FER1L6: variants seen among roughly 807,000 people sequenced by gnomAD.
The protein encoded by FER1L6 is fer-1 like family member 6, also known as fer-1-like protein 6.
In FER1L6, 177 loss-of-function variants were observed where a neutral mutation model predicts 219.2. That is an observed-to-expected ratio of 0.81 (90% CI 0.71 to 0.91). The LOEUF is 0.91. FER1L6 is among the 40% of genes least tolerant of loss of function. The pLI is 0.00. For missense variants in FER1L6, 2,153 were observed against 2,259.9 expected (o/e 0.95, Z 0.96); for synonymous variants, 768 against 824.3 (o/e 0.93, Z 1.17).
chr8:124,021,703 G>A lies in FER1L6; in HGVS notation c.2133+34G>A, dbSNP rs1344448082. 9.3e-6 allele frequency: 15 copies of A among 1,610,568 alleles called. No individual in the cohort carries two copies. The South Asian group carries it at 1.7e-4, about 18-fold the overall frequency. The stretch of plus-strand genomic sequence containing the variant: ...CTCTAAAGGCAAACCTCATTTGGAA[G>A]GTTAGATGGAATGTCTTCCAGGGAG... On this transcript the variant is annotated intron_variant, in intron 17 of 40. Coordinates refer to ENST00000522917, the MANE Select transcript of FER1L6 (RefSeq NM_001039112.2).
intron 1 of FER1L6, chr8:123,925,606 G>A (rs1257314882): frequency 1.3e-5 from 2 of 152,182 alleles, no homozygotes; most frequent in Non-Finnish European, 2.9e-5. Context: ...ATAGCAGGAG[G>A]CAACATTCAA....
intron 1 of FER1L6, among the ~76,000 whole-genome samples, chr8:123,952,228 C>A (rs1814802354): frequency 6.6e-6 from 1 of 152,188 alleles, no homozygotes; most frequent in Non-Finnish European, 1.5e-5. Flanking sequence ...AGAGAAGTCC[C>A]AGGGCCAGCT....
At chr8:124,013,680 G>A (rs566433328) in intron 15 of FER1L6, 149 bp downstream of exon 15, 6 of 471,886 alleles carry the variant, frequency 1.3e-5, no homozygotes, top group South Asian at 3.4e-5. Flanking sequence ...AATTTCACTC[G>A]TGCTTGTGGA....
At position 123,933,920 on chromosome 8, in the gene FER1L6, A is replaced by T. The variant is rs573594926; in HGVS notation, c.-7-22072A>T. Among the ~76,000 whole-genome samples, 6 of 152,308 alleles carry T rather than the reference A, an allele frequency of 3.9e-5. No homozygotes were observed. The East Asian group carries it at 1.2e-3, about 29-fold the overall frequency. On this transcript the variant is annotated intron_variant, in intron 1 of 40. Transcript: ENST00000522917. ...ACACCTGTAGGCATTTTACCTTGAT[A>T]TGGTAGTTAACATTTCACCATCTGT...
intron 1 of FER1L6, among the ~76,000 whole-genome samples, chr8:123,952,218 A>G (rs1055206796): frequency 1.3e-5 from 2 of 152,346 alleles, no homozygotes; most frequent in Admixed American, 1.3e-4. Flanking sequence ...CCTGGAGCTC[A>G]GAGAAGTCCC....
At position 124,060,245 on chromosome 8, in the gene FER1L6, G is replaced by A. The variant is rs200242307; in HGVS notation, c.2940G>A (p.Pro980=). The change falls in exon 23 of 41, where the codon CCG becomes CCA. Residue 980 remains proline (P), a synonymous_variant. Transcript: ENST00000522917. ...VEPPDITQIY[P]VPANIRPVLS... ...CACCAGACATCACCCAGATCTACCC[G>A]GTTCCTGCCAACATTCGGCCGGTGC... 1.9e-5 allele frequency: 31 copies of A among 1,614,014 alleles called. No individual in the cohort carries two copies. The highest frequency in any genetic ancestry group is 1.6e-4 in the Middle Eastern group (1 of 6,084).
chr8:123,883,630 A>G (rs1817150020), intron 1 of FER1L6, among the ~76,000 whole-genome samples: 1 of 152,164 alleles, frequency 6.6e-6, no homozygotes, highest in South Asian at 2.1e-4. Flanking sequence ...TTTACAAACA[A>G]TAGAAGTTTA....
intron 22 of FER1L6, among the ~76,000 whole-genome samples, chr8:124,056,515 A>G (rs1038189395): frequency 2.6e-5 from 4 of 152,228 alleles, no homozygotes; most frequent in Admixed American, 6.5e-5. Flanking sequence ...TATTGGCTTA[A>G]AAAATGAGAT....
intron 29 of FER1L6, 33 bp downstream of exon 29, chr8:124,069,508 TG>T: frequency 6.8e-7 from 1 of 1,471,556 alleles, no homozygotes. Context: ...CTGCCATGGA[TG>T]GGGAGGGATG....
intron 1 of FER1L6, among the ~76,000 whole-genome samples, chr8:123,903,279 T>G (rs1812891423): frequency 6.6e-6 from 1 of 152,218 alleles, no homozygotes; most frequent in Admixed American, 6.5e-5. Context: ...AAGACATCAT[T>G]CTATTTACAA....
At chr8:123,861,441 C>G (rs201505904) in intron 1 of FER1L6, among the ~76,000 whole-genome samples, 60,501 of 145,192 alleles carry the variant, frequency 0.42, 13,327 homozygotes, top group East Asian at 0.58. Flanking sequence ...GTTCTTTTGG[C>G]TTAGGATTGA....
intron 6 of FER1L6, among the ~76,000 whole-genome samples, chr8:123,972,585 G>T (rs1237488542): frequency 3.3e-5 from 5 of 152,152 alleles, no homozygotes; most frequent in Admixed American, 1.3e-4. Flanking sequence ...CTCTAGGAAA[G>T]CTCATTCCAT....
At chr8:123,926,330 G>T (rs1162090471) in intron 1 of FER1L6, among the ~76,000 whole-genome samples, 3 of 152,160 alleles carry the variant, frequency 2.0e-5, no homozygotes. Flanking sequence ...CTTTCCTCTG[G>T]ATTCTGGGAC....
intron 15 of FER1L6, among the ~76,000 whole-genome samples, chr8:124,016,470 A>T (rs1257093716): frequency 2.1e-5 from 3 of 145,044 alleles, no homozygotes; most frequent in Non-Finnish European, 2.9e-5. Flanking sequence ...CTCATCATTA[A>T]AAAAAAATAA....
At chr8:123,855,722 CACACAT>C (rs1256843088) in intron 1 of FER1L6, among the ~76,000 whole-genome samples, 57 of 132,684 alleles carry the variant, frequency 4.3e-4, no homozygotes, top group Admixed American at 8.1e-4. Flanking sequence ...CACACACACA[CACACAT>C]ATACGTAATA....
intron 1 of FER1L6, among the ~76,000 whole-genome samples, chr8:123,865,478 G>A (rs1305047902): frequency 6.6e-6 from 1 of 151,448 alleles, no homozygotes; most frequent in Non-Finnish European, 1.5e-5. Flanking sequence ...ACAGAGGCAT[G>A]CAGACCTCCT....
At chr8:124,043,001 A>G (rs993831290) in intron 20 of FER1L6, among the ~76,000 whole-genome samples, 1 of 152,166 alleles carries the variant, frequency 6.6e-6, no homozygotes, top group Non-Finnish European at 1.5e-5. Flanking sequence ...GGAGAAGGGG[A>G]GGAAATCTTA....
intron 35 of FER1L6, among the ~76,000 whole-genome samples, 199 bp from the exon 36 acceptor site, chr8:124,097,072 G>GATATATATATAT (rs565301549): frequency 5.2e-4 from 76 of 146,834 alleles, no homozygotes; most frequent in African/African-American, 1.6e-3. Context: ...AATTCCTAAA[G>GATATATATATAT]ATATATATAT....
At chr8:123,962,165 A>C (rs1815319333) in intron 2 of FER1L6, among the ~76,000 whole-genome samples, 1 of 152,140 alleles carries the variant, frequency 6.6e-6, no homozygotes, top group African/African-American at 2.4e-5. Context: ...CTGGGATTAC[A>C]GGCATGAACC....
Sources: gnomAD v4.1 joint callset for allele counts (sites outside exome capture counted in the v4.1 genomes callset) on GRCh38, gnomAD v4.1.1 for gene constraint, MANE v1.5 for transcripts, NCBI Gene and HGNC (gene_info 2026-07-23, HGNC 2026-07-21) for gene names.